LRRIQ3: variants seen among roughly 807,000 people sequenced by gnomAD.
LRRIQ3 encodes the protein leucine-rich repeat and IQ domain-containing protein 3.
LRRIQ3 carries 75 observed loss-of-function variants against 59.3 expected under a neutral mutation model. The ratio of observed to expected loss-of-function variants is 1.26; its 90% CI spans 1.05 to 1.53. The LOEUF (loss-of-function observed/expected upper bound fraction) is 1.53, where lower values mean the gene tolerates loss of function less well. Ranked by LOEUF, LRRIQ3 falls within the 40% of genes most tolerant of loss-of-function variation. The probability of loss-of-function intolerance (pLI) is 0.00; values close to 1 mark genes in which losing one functional copy is unlikely to be tolerated. For synonymous variants in LRRIQ3, 250 were observed against 231.3 expected (o/e 1.08, Z -0.73); for missense variants, 831 against 710.0 (o/e 1.17, Z -1.94).
At chr1:74,126,758 G>C (rs1023989289) in intron 4 of LRRIQ3, among the ~76,000 whole-genome samples, 2 of 151,862 alleles carry the variant, frequency 1.3e-5, no homozygotes, top group African/African-American at 4.8e-5. Flanking sequence ...GACTTGTTTT[G>C]TTGTCTAATA....
intron 6 of LRRIQ3, among the ~76,000 whole-genome samples, chr1:74,073,171 G>A (rs1655074128): frequency 6.6e-6 from 1 of 152,000 alleles, no homozygotes; most frequent in Admixed American, 6.6e-5. Flanking sequence ...CAAGGCCACC[G>A]TTGATATCTA....
At chr1:74,077,349 T>C (rs892646700) in intron 5 of LRRIQ3, among the ~76,000 whole-genome samples, 2 of 152,124 alleles carry the variant, frequency 1.3e-5, no homozygotes, top group African/African-American at 4.8e-5. Context: ...TTCTTTCTTC[T>C]ATATATCTCA....
chr1:74,191,924 A>C (rs888617562), intron 1 of LRRIQ3, among the ~76,000 whole-genome samples: 1 of 152,080 alleles, frequency 6.6e-6, no homozygotes, highest in African/African-American at 2.4e-5. Context: ...AATTTTTCTC[A>C]TATTTTTCAA....
At chr1:74,029,744 T>C (rs189847924) in intron 7 of LRRIQ3, among the ~76,000 whole-genome samples, 1 of 152,246 alleles carries the variant, frequency 6.6e-6, no homozygotes, top group Admixed American at 6.5e-5. Context: ...CTTCTTTTTC[T>C]ATTGATTGGA....
In LRRIQ3 at chr1:74,041,868, T is replaced by C. The variant is rs762288252; in HGVS notation, c.1063A>G (p.Lys355Glu). 1 of 1,611,772 alleles carries C rather than the reference T, an allele frequency of 6.2e-7. No homozygotes were observed. Among genetic ancestry groups the C allele is most frequent in the East Asian group, 2.2e-5 (1 of 44,802 alleles). The change falls in exon 7 of 8, where the codon AAA becomes GAA. Residue 355 changes from lysine to glutamate, a missense_variant. Coordinates refer to ENST00000354431, the MANE Select transcript of LRRIQ3 (RefSeq NM_001105659.2). ...LDTSFRISVF[K>E]LPIYTSGSLK... ...GAACCTGAAGTGTATATGGGTAGTT[T>C]GAAAACTGATATCCTAAAACTGGTA...
At chr1:74,030,658 C>A (rs187874517) in intron 7 of LRRIQ3, among the ~76,000 whole-genome samples, 2,003 of 152,232 alleles carry the variant, frequency 0.013, 17 homozygotes, top group Non-Finnish European at 0.016. Context: ...CATAAAAACC[C>A]TAAAAGAAAA....
At chr1:74,034,902 T>C (rs1321330950) in intron 7 of LRRIQ3, among the ~76,000 whole-genome samples, 2 of 152,030 alleles carry the variant, frequency 1.3e-5, no homozygotes, top group Non-Finnish European at 2.9e-5. Context: ...TAAATGTTTC[T>C]ATACAAGCCT....
rs1028226846 is a variant in LRRIQ3, at chr1:74,075,427, T to A, written c.868-637A>T. On this transcript the variant is annotated intron_variant, in intron 5 of 7. Transcript: ENST00000354431. ...ACTAAAAATACGAAAATTAGCCAGG[T>A]GTGGTGGTGCATGCCTGTAATCCCA... is the stretch of plus-strand genomic sequence containing the variant. 9.9e-5 allele frequency among the ~76,000 whole-genome samples: 15 copies of A among 151,588 alleles called. No individual in the cohort carries two copies. The East Asian group carries it at 2.3e-3, about 24-fold the overall frequency.
chr1:74,193,707 A>G (rs1404431057), intron 1 of LRRIQ3, among the ~76,000 whole-genome samples: 1 of 152,092 alleles, frequency 6.6e-6, no homozygotes, highest in Non-Finnish European at 1.5e-5. Flanking sequence ...ACAGATCATC[A>G]TTATTTTAAG....
chr1:74,182,390 C>T, intron 3 of LRRIQ3, 148 bp downstream of exon 3: 1 of 418,176 alleles, frequency 2.4e-6, no homozygotes, highest in Non-Finnish European at 4.0e-6. Flanking sequence ...GATAGAAAGA[C>T]ATTACAAATA....
At chr1:74,141,633 T>C (rs1301461987) in intron 4 of LRRIQ3, among the ~76,000 whole-genome samples, 1 of 151,924 alleles carries the variant, frequency 6.6e-6, no homozygotes, top group African/African-American at 2.4e-5. Flanking sequence ...CTCAATACTT[T>C]TTATTTCTAA....
chr1:74,140,782 T>C (rs933248456), intron 4 of LRRIQ3, among the ~76,000 whole-genome samples: 1 of 151,840 alleles, frequency 6.6e-6, no homozygotes, highest in Admixed American at 6.6e-5. Flanking sequence ...CATATCAATG[T>C]GAAATGTCCT....
chr1:74,138,041 TA>T (rs1364010454), intron 4 of LRRIQ3, among the ~76,000 whole-genome samples: 1 of 151,476 alleles, frequency 6.6e-6, no homozygotes, highest in Non-Finnish European at 1.5e-5. Flanking sequence ...TGTATACCTG[TA>T]TAACAAACCT....
At chr1:74,073,576 G>T (rs12742202) in intron 6 of LRRIQ3, among the ~76,000 whole-genome samples, 123,523 of 151,312 alleles carry the variant, frequency 0.82, 52,365 homozygotes, top group East Asian at 0.97. Flanking sequence ...AGGCTTTTCA[G>T]CTGGCCTTCA....
intron 6 of LRRIQ3, among the ~76,000 whole-genome samples, chr1:74,066,422 T>C (rs969752771): frequency 7.2e-5 from 11 of 152,058 alleles, no homozygotes; most frequent in African/African-American, 2.2e-4. Flanking sequence ...TTCTAAATTC[T>C]CAAAAAATAT....
In LRRIQ3 at chr1:74,170,220, G is replaced by T. The variant is rs537519079; in HGVS notation, c.573+12318C>A. On this transcript the variant is annotated intron_variant, in intron 3 of 7. Coordinates refer to ENST00000354431, the MANE Select transcript of LRRIQ3 (RefSeq NM_001105659.2). ...GACTGTTTTTGCTTTTGTTGATTGT[G>T]TTTTTAGTGGGATATTGGAGAAACC... is the stretch of plus-strand genomic sequence containing the variant. Among the ~76,000 whole-genome samples the T allele has an allele frequency of 2.4e-4, 36 of 152,208 alleles. No homozygotes were observed. In the East Asian group the frequency reaches 3.3e-3, roughly 14 times the overall value.
At chr1:74,046,689 A>T (rs563621742) in intron 6 of LRRIQ3, among the ~76,000 whole-genome samples, 1 of 152,330 alleles carries the variant, frequency 6.6e-6, no homozygotes, top group Non-Finnish European at 1.5e-5. Context: ...AAAATTTTGC[A>T]ATCTGTCCAT....
At chr1:74,148,475 A>G (rs182424923) in intron 4 of LRRIQ3, among the ~76,000 whole-genome samples, 73 of 152,280 alleles carry the variant, frequency 4.8e-4, no homozygotes, top group African/African-American at 1.7e-3. Context: ...AGGCCTCCAC[A>G]TGGCATACAT....
At chr1:74,138,912 G>A (rs754334175) in intron 4 of LRRIQ3, among the ~76,000 whole-genome samples, 1 of 151,658 alleles carries the variant, frequency 6.6e-6, no homozygotes, top group Non-Finnish European at 1.5e-5. Context: ...GTGGCTGGGC[G>A]TGGTGGCTCA....
Sources: allele counts gnomAD v4.1 joint callset (sites outside exome capture counted in the v4.1 genomes callset), GRCh38; gene constraint gnomAD v4.1.1; transcripts MANE v1.5; gene names NCBI Gene and HGNC (gene_info 2026-07-23, HGNC 2026-07-21).